The following RAX variants were observed in gnomAD, a reference collection of about 807,000 sequenced individuals.
RAX encodes the protein retinal homeobox protein Rx.
A neutral mutation model predicts 17.4 loss-of-function variants in RAX; 11 were observed. The ratio of observed to expected loss-of-function variants is 0.63; its 90% CI spans 0.40 to 1.05. The LOEUF (loss-of-function observed/expected upper bound fraction) is 1.05, where lower values mean the gene tolerates loss of function less well. Among genes scored for constraint, RAX ranks in the 50% least tolerant of loss-of-function variants. The pLI is 0.00. For synonymous variants in RAX, 276 were observed against 254.7 expected, an observed-to-expected ratio of 1.08 and a Z score of -0.80; for missense variants, 527 against 501.1, an observed-to-expected ratio of 1.05 and a Z score of -0.49.
chr18:59,269,110 T>A lies in RAX; in HGVS notation c.935A>T (p.Lys312Met), dbSNP rs964898566. Residue 312 changes from lysine (K) to methionine (M), a missense_variant, in exon 3 of 3, where the codon AAG becomes ATG. By Grantham distance (95) the Lys-to-Met change is moderately conservative. Coordinates refer to ENST00000334889, the MANE Select transcript of RAX (RefSeq NM_013435.3). ...SYPCGPGFGD[K>M]FPLDEADPRN... The stretch of plus-strand genomic sequence containing the variant: ...CGGGTCCGCCTCGTCCAGCGGGAAC[T>A]TGTCCCCGAAGCCGGGCCCGCACGG... 1 of 1,610,706 alleles carries A rather than the reference T, an allele frequency of 6.2e-7. No homozygotes were observed. The highest frequency in any genetic ancestry group is 1.7e-5 in the Admixed American group (1 of 59,818).
At position 59,268,016 on chromosome 18, in the gene RAX, T is replaced by C. The variant is rs1252880860; in HGVS notation, c.*988A>G. 1 of 152,180 alleles carries C rather than the reference T, an allele frequency of 6.6e-6. No homozygotes were observed. The highest frequency in any genetic ancestry group is 1.5e-5 in the Non-Finnish European group (1 of 68,088). The allele number at this position is 152,180 out of a possible 1,614,324, so 9.4% of individuals were successfully genotyped here. A position where few individuals can be genotyped will look rare whatever the true frequency, so the allele number is the denominator to read the frequency against. ...CGCGGCTCCGAAAAGGAAAAGCATC[T>C]CTTTGCCTCAGTTCTTGTACCGCTG... On this transcript the variant is annotated 3_prime_UTR_variant, in exon 3 of 3. Coordinates refer to ENST00000334889, the MANE Select transcript of RAX (RefSeq NM_013435.3). This position sits in a 1 kb window ranked among gnomAD's most constrained non-coding sequence, Gnocchi z 4.4.
chr18:59,269,559 A>C (rs1222190899), intron 2 of RAX, 58 bp from the exon 3 acceptor site: 6 of 1,577,462 alleles, frequency 3.8e-6, no homozygotes, highest in Non-Finnish European at 5.1e-6. Context: ...CCGCGTCCCC[A>C]ACCCTGAGCC....
At position 59,273,152 on chromosome 18, in the gene RAX, C is replaced by A. The variant is rs897692459; in HGVS notation, c.55G>T (p.Gly19Cys). Residue 19 changes from glycine (G) to cysteine (C), a missense_variant, in exon 1 of 3, where the codon GGC becomes TGC. Physicochemically the swap from Gly to Cys is radical, Grantham distance 159. Transcript: ENST00000334889. ...AMADGSFSLA[G>C]HLLRSPGGST... is the part of the protein sequence containing the mutation. ...CCGCCCGGGCTGCGGAGCAGGTGGCCGGCAAGCGAGAAGCTCCCGTCGGCC... is the reference window on the plus strand; with the variant it reads ...CCGCCCGGGCTGCGGAGCAGGTGGCAGGCAAGCGAGAAGCTCCCGTCGGCC... The A allele has an allele frequency of 6.5e-7, 1 of 1,533,034 alleles. No individual in the cohort carries two copies. Among genetic ancestry groups the A allele is most frequent in the South Asian group, 1.2e-5 (1 of 83,702 alleles). The allele number at this position is 1,533,034 out of a possible 1,614,324, so 95.0% of individuals were successfully genotyped here.
chr18:59,272,263 T>C (rs1390646313), intron 2 of RAX, 98 bp downstream of exon 2: 25 of 1,530,660 alleles, frequency 1.6e-5, no homozygotes, highest in Non-Finnish European at 6.3e-6. Context: ...GGAAGGACAG[T>C]AATAAATGCA....
In RAX at chr18:59,267,488, CAG is replaced by C. The variant is rs2070288596; in HGVS notation, c.*1514_*1515del. Reference sequence around the variant, plus strand: ...CCATCTTTCCCACCTTCCAGAGAGACAGAGTTTATTTAGACGAGGAAAGGGGA... The same window carrying C: ...CCATCTTTCCCACCTTCCAGAGAGACAGTTTATTTAGACGAGGAAAGGGGA... On this transcript the variant is annotated 3_prime_UTR_variant, in exon 3 of 3. Transcript: ENST00000334889. 6.6e-6 allele frequency: 1 copy of C among 152,426 alleles called. No individual in the cohort carries two copies. The highest frequency in any genetic ancestry group is 2.4e-5 in the African/African-American group (1 of 41,568). The allele number at this position is 152,426 out of a possible 1,614,324, so 9.4% of individuals were successfully genotyped here. A position where few individuals can be genotyped will look rare whatever the true frequency, so the allele number is the denominator to read the frequency against.
chr18:59,272,873 C>T, intron 1 of RAX, 45 bp downstream of exon 1: 1 of 1,491,412 alleles, frequency 6.7e-7, no homozygotes, highest in South Asian at 1.4e-5. Flanking sequence ...AACTCCTAAG[C>T]TCGGGCGCCC....
At position 59,272,920 on chromosome 18, in the gene RAX, T is replaced by C. The variant is rs1268800383; in HGVS notation, c.287A>G (p.Glu96Gly). The C allele has an allele frequency of 1.3e-6, 2 of 1,482,114 alleles. No individual in the cohort carries two copies. Among genetic ancestry groups the C allele is most frequent in the Admixed American group, 2.5e-5 (1 of 39,574 alleles). The allele number at this position is 1,482,114 out of a possible 1,614,324, so 91.8% of individuals were successfully genotyped here. A position where few individuals can be genotyped will look rare whatever the true frequency, so the allele number is the denominator to read the frequency against. ...PPAPAPAPEY[E>G]APRPYCPKEP... Reference sequence around the variant, plus strand: ...CACAGCCAGGGGTGCGCACTCACCTTCGTACTCGGGGGCGGGCGCCGGGGC... The same window carrying C: ...CACAGCCAGGGGTGCGCACTCACCTCCGTACTCGGGGGCGGGCGCCGGGGC... The change falls in exon 1 of 3, where the codon GAA becomes GGA. Residue 96 changes from glutamate to glycine, a missense_variant and splice_region_variant. Coordinates refer to ENST00000334889, the MANE Select transcript of RAX (RefSeq NM_013435.3).
chr18:59,273,226 G>A lies in RAX; in HGVS notation c.-20C>T. On this transcript the variant is annotated 5_prime_UTR_variant, in exon 1 of 3. Transcript: ENST00000334889. ...GTGCATGGGGAGCGCCGGGAGGCGG[G>A]AGGGCGCTTTGGAGACGGAGAGGAG... The A allele has an allele frequency of 6.6e-7, 1 of 1,523,532 alleles. No individual in the cohort carries two copies. Among genetic ancestry groups the A allele is most frequent in the Non-Finnish European group, 8.8e-7 (1 of 1,141,212 alleles). The allele number at this position is 1,523,532 out of a possible 1,614,324, so 94.4% of individuals were successfully genotyped here.
Position 59,273,337 on chromosome 18 carries a change from CGG to C in RAX, c.-133_-132del. On this transcript the variant is annotated 5_prime_UTR_variant, in exon 1 of 3. Transcript: ENST00000334889. Reference sequence around the variant, plus strand: ...TCAAGCTCCGCGGGCGAAGCCCGCCCGGGCTGCGCACGCTGGGGGTGGCCGAG... The same window carrying C: ...TCAAGCTCCGCGGGCGAAGCCCGCCCGCTGCGCACGCTGGGGGTGGCCGAG... The C allele has an allele frequency of 9.9e-7, 1 of 1,011,406 alleles. No homozygotes were observed. Among genetic ancestry groups the C allele is most frequent in the Non-Finnish European group, 1.4e-6 (1 of 729,776 alleles). 62.7% of individuals were successfully genotyped at this position (1,011,406 alleles called of 1,614,324 possible).
chr18:59,270,668 G>C (rs1234668056), intron 2 of RAX, among the ~76,000 whole-genome samples: 3 of 152,194 alleles, frequency 2.0e-5, no homozygotes, highest in African/African-American at 7.2e-5. Flanking sequence ...AAGGGCAGGG[G>C]ACCCCCGAGG....
chr18:59,271,865 A>G (rs528369432), intron 2 of RAX, among the ~76,000 whole-genome samples: 1 of 152,382 alleles, frequency 6.6e-6, no homozygotes, highest in African/African-American at 2.4e-5. Context: ...TGCACCAGAA[A>G]AGGAAAAGTC....
rs1340709071 is a variant in RAX at position 59,269,515 on chromosome 18, C to T, written c.544-14G>A. 1.8e-5 allele frequency: 29 copies of T among 1,594,806 alleles called. No homozygotes were observed. The highest frequency in any genetic ancestry group is 2.4e-5 in the Non-Finnish European group (28 of 1,178,340). ...CTGGAACCACACCTGCAGGAGAGAG[C>T]ACAGGGGCCGTCGGGCAGCAGCGGA... On this transcript the variant is annotated splice_polypyrimidine_tract_variant and intron_variant, in intron 2 of 2. Transcript: ENST00000334889.
At position 59,272,925 on chromosome 18, in the gene RAX, C is replaced by G; in HGVS notation, c.282G>C (p.Glu94Asp). 6.8e-7 allele frequency: 1 copy of G among 1,476,876 alleles called. No individual in the cohort carries two copies. The highest frequency in any genetic ancestry group is 1.5e-5 in the African/African-American group (1 of 68,298). The allele number at this position is 1,476,876 out of a possible 1,614,324, so 91.5% of individuals were successfully genotyped here. ...CCAGGGGTGCGCACTCACCTTCGTA[C>G]TCGGGGGCGGGCGCCGGGGCTGGCG... ...SPPPAPAPAP[E>D]YEAPRPYCPK... The change falls in exon 1 of 3, where the codon GAG becomes GAC. Residue 94 changes from glutamate (E) to aspartate (D), a missense_variant. Glu to Asp is a conservative substitution (Grantham distance 45, BLOSUM62 2). Coordinates refer to ENST00000334889, the MANE Select transcript of RAX (RefSeq NM_013435.3).
Position 59,267,858 on chromosome 18 carries a change from G to T in RAX, c.*1146C>A, listed in dbSNP as rs900168306. 2 of 152,210 alleles carry T rather than the reference G, an allele frequency of 1.3e-5. No individual in the cohort carries two copies. The highest frequency in any genetic ancestry group is 2.9e-5 in the Non-Finnish European group (2 of 68,040). 9.4% of individuals were successfully genotyped at this position (152,210 alleles called of 1,614,324 possible). A position where few individuals can be genotyped will look rare whatever the true frequency, so the allele number is the denominator to read the frequency against. On this transcript the variant is annotated 3_prime_UTR_variant, in exon 3 of 3. Transcript: ENST00000334889. ...TGCAGATACTGTCCAGGGCACGCCCGCAAGAACTAGCTCTCGGGGCGGTGG... is the reference window on the plus strand; with the variant it reads ...TGCAGATACTGTCCAGGGCACGCCCTCAAGAACTAGCTCTCGGGGCGGTGG...
Position 59,268,913 on chromosome 18 carries a change from C to T in RAX, c.*91G>A. Reference sequence around the variant, plus strand: ...CTGCAGGCGACAGGGAAAGAGGGGCCGAGCTGGGGAGGGGGGTTGTCCCTG... The same window carrying T: ...CTGCAGGCGACAGGGAAAGAGGGGCTGAGCTGGGGAGGGGGGTTGTCCCTG... On this transcript the variant is annotated 3_prime_UTR_variant, in exon 3 of 3. Transcript: ENST00000334889. This position sits in a 1 kb window ranked among gnomAD's most constrained non-coding sequence, Gnocchi z 4.4. The T allele has an allele frequency of 6.3e-7, 1 of 1,595,784 alleles. No homozygotes were observed. Among genetic ancestry groups the T allele is most frequent in the Non-Finnish European group, 8.6e-7 (1 of 1,169,248 alleles).
rs552408691 is a variant in RAX, at chr18:59,269,128, C to G, written c.917G>C (p.Gly306Ala). 6.2e-7 allele frequency: 1 copy of G among 1,606,502 alleles called. No homozygotes were observed. The highest frequency in any genetic ancestry group is 2.2e-5 in the East Asian group (1 of 44,626). Residue 306 changes from glycine (G) to alanine (A), a missense_variant, in exon 3 of 3, where the codon GGG becomes GCG. Transcript: ENST00000334889. ...CGGGAACTTGTCCCCGAAGCCGGGC[C>G]CGCACGGGTAGGAGGGCGGCGGCGG... is the stretch of plus-strand genomic sequence containing the variant. ...LAPPPPSYPC[G>A]PGFGDKFPLD...
In RAX at chr18:59,273,265, G is replaced by C. The variant is rs950604174; in HGVS notation, c.-59C>G. The stretch of plus-strand genomic sequence containing the variant: ...GACGGAGAGGAGAGGCTCGAAGCCG[G>C]GTCTTCCCGAGTGCGGCGGTGCAAC... On this transcript the variant is annotated 5_prime_UTR_variant, in exon 1 of 3. Coordinates refer to ENST00000334889, the MANE Select transcript of RAX (RefSeq NM_013435.3). 4.0e-5 allele frequency: 59 copies of C among 1,479,922 alleles called. No individual in the cohort carries two copies. Among genetic ancestry groups the C allele is most frequent in the Non-Finnish European group, 5.0e-5 (56 of 1,115,530 alleles). The allele number at this position is 1,479,922 out of a possible 1,614,324, so 91.7% of individuals were successfully genotyped here.
Position 59,268,895 on chromosome 18 carries a change from C to G in RAX, c.*109G>C. On this transcript the variant is annotated 3_prime_UTR_variant, in exon 3 of 3. Coordinates refer to ENST00000334889, the MANE Select transcript of RAX (RefSeq NM_013435.3). This position sits in a 1 kb window ranked among gnomAD's most constrained non-coding sequence, Gnocchi z 4.4. Reference sequence around the variant, plus strand: ...ACTATGCTTGGCGGGTGGCTGCAGGCGACAGGGAAAGAGGGGCCGAGCTGG... The same window carrying G: ...ACTATGCTTGGCGGGTGGCTGCAGGGGACAGGGAAAGAGGGGCCGAGCTGG... 1 of 1,552,828 alleles carries G rather than the reference C, an allele frequency of 6.4e-7. No individual in the cohort carries two copies. Among genetic ancestry groups the G allele is most frequent in the African/African-American group, 1.4e-5 (1 of 73,946 alleles).
At position 59,272,423 on chromosome 18, in the gene RAX, G is replaced by A. The variant is rs1180506830; in HGVS notation, c.481C>T (p.Pro161Ser). 11 of 1,614,124 alleles carry A rather than the reference G, an allele frequency of 6.8e-6. No individual in the cohort carries two copies. The highest frequency in any genetic ancestry group is 8.5e-6 in the Non-Finnish European group (10 of 1,180,054). Reference protein sequence around the residue: ...LERAFEKSHYPDVYSREELAG... With the variant: ...LERAFEKSHYSDVYSREELAG... ...AGCTCCTCGCGGCTGTACACGTCCGGGTAGTGGGACTTCTCGAACGCGCGC... is the reference window on the plus strand; with the variant it reads ...AGCTCCTCGCGGCTGTACACGTCCGAGTAGTGGGACTTCTCGAACGCGCGC... Residue 161 changes from proline to serine, a missense_variant, in exon 2 of 3, where the codon CCG (proline) becomes TCG (serine). By Grantham distance (74) the Pro-to-Ser change is moderately conservative (BLOSUM62 -1). Coordinates refer to ENST00000334889, the MANE Select transcript of RAX (RefSeq NM_013435.3).
Sources: allele counts gnomAD v4.1 joint callset (sites outside exome capture counted in the v4.1 genomes callset), GRCh38; gene constraint gnomAD v4.1.1; non-coding constraint Gnocchi (gnomAD v3.1); transcripts MANE v1.5; gene names NCBI Gene and HGNC (gene_info 2026-07-23, HGNC 2026-07-21).